SGMS1: variants seen among roughly 807,000 people sequenced by gnomAD.
SGMS1 encodes sphingomyelin synthase 1.
SGMS1 carries 13 observed loss-of-function variants against 46.2 expected under a neutral mutation model. The ratio of observed to expected loss-of-function variants is 0.28; its 90% CI spans 0.18 to 0.45. The LOEUF is 0.45. SGMS1 is among the 20% of genes least tolerant of loss of function. The pLI is 1.00. For synonymous variants in SGMS1, 203 were observed against 187.8 expected (o/e 1.08, Z -0.66); for missense variants, 324 against 519.9 (o/e 0.62, Z 3.66).
At chr10:50,562,781 T>C (rs1039651165) in intron 2 of SGMS1, among the ~76,000 whole-genome samples, 2 of 152,284 alleles carry the variant, frequency 1.3e-5, no homozygotes, top group East Asian at 1.9e-4. Flanking sequence ...CCTGACCTCG[T>C]GATCCGCCCG....
chr10:50,411,566 C>G (rs541809733), intron 6 of SGMS1, among the ~76,000 whole-genome samples: 10 of 152,280 alleles, frequency 6.6e-5, no homozygotes, highest in African/African-American at 2.4e-4. Flanking sequence ...CTAGTCTCAT[C>G]CATATCTGAG....
At chr10:50,506,467 T>C (rs2133765506) in intron 3 of SGMS1, among the ~76,000 whole-genome samples, 1 of 151,860 alleles carries the variant, frequency 6.6e-6, no homozygotes, top group South Asian at 2.1e-4. Flanking sequence ...ATTTCCTTCC[T>C]AATAAAAAAA....
At chr10:50,429,464 T>C (rs1007408842) in intron 6 of SGMS1, among the ~76,000 whole-genome samples, 3 of 152,168 alleles carry the variant, frequency 2.0e-5, no homozygotes, top group Non-Finnish European at 2.9e-5. Context: ...AACAACAATA[T>C]TGCCTGAGGA....
intron 2 of SGMS1, among the ~76,000 whole-genome samples, chr10:50,586,820 C>T (rs1838488836): frequency 6.6e-6 from 1 of 152,216 alleles, no homozygotes; most frequent in Admixed American, 6.5e-5. Context: ...CCACTATAAC[C>T]ATGATGAGGA....
chr10:50,517,884 G>GA (rs1285298895), intron 3 of SGMS1, among the ~76,000 whole-genome samples: 2 of 151,552 alleles, frequency 1.3e-5, no homozygotes, highest in South Asian at 2.1e-4. Context: ...ACAACACTGG[G>GA]AAAAAAAATA....
intron 6 of SGMS1, among the ~76,000 whole-genome samples, chr10:50,360,423 G>A (rs1848227529): frequency 6.6e-6 from 1 of 152,068 alleles, no homozygotes; most frequent in East Asian, 1.9e-4. Flanking sequence ...AACTCTGCAG[G>A]TTGTCATTAC....
intron 6 of SGMS1, among the ~76,000 whole-genome samples, chr10:50,427,971 ATGAG>A (rs67444711): frequency 0.13 from 19,870 of 151,882 alleles, 1,408 homozygotes; most frequent in Middle Eastern, 0.21. Context: ...CTGCGTGTGA[ATGAG>A]AGAGAGAGAG....
Position 50,344,078 on chromosome 10 carries a change from C to T in SGMS1, c.37G>A (p.Ala13Thr). Residue 13 changes from alanine (A) to threonine (T), a missense_variant, in exon 7 of 11, where the codon GCA becomes ACA. Ala to Thr is a moderately conservative substitution (Grantham distance 58). This residue lies in a region of SGMS1 where 150 missense variants were observed against 169.8 expected (regional missense o/e 0.88). Transcript: ENST00000361781. ...EVVYWSPKKVADWLLENAMPE... is the reference protein window; with the variant it reads ...EVVYWSPKKVTDWLLENAMPE... ...ATAGCATTCTCCAGCAGCCAGTCTG[C>T]CACCTTCTTGGGTGACCAATAAACC... is the stretch of plus-strand genomic sequence containing the variant. 1 of 1,613,680 alleles carries T rather than the reference C, an allele frequency of 6.2e-7. No individual in the cohort carries two copies.
At chr10:50,425,510 C>T (rs906734348) in intron 6 of SGMS1, among the ~76,000 whole-genome samples, 1 of 152,156 alleles carries the variant, frequency 6.6e-6, no homozygotes, top group Non-Finnish European at 1.5e-5. Flanking sequence ...AAACCAAATA[C>T]CACATATTCT....
At chr10:50,345,874 AT>A (rs1847905491) in intron 6 of SGMS1, among the ~76,000 whole-genome samples, 1 of 152,228 alleles carries the variant, frequency 6.6e-6, no homozygotes, top group South Asian at 2.1e-4. Flanking sequence ...GGAAAGAAAT[AT>A]ATCACATATT....
chr10:50,584,295 C>G (rs1838461371), intron 2 of SGMS1, among the ~76,000 whole-genome samples: 1 of 151,970 alleles, frequency 6.6e-6, no homozygotes, highest in South Asian at 2.1e-4. Flanking sequence ...GTCAGGAGTT[C>G]AAGACCAGCC....
intron 3 of SGMS1, among the ~76,000 whole-genome samples, chr10:50,484,499 C>G (rs1461218694): frequency 2.0e-5 from 3 of 152,182 alleles, no homozygotes; most frequent in Non-Finnish European, 4.4e-5. Flanking sequence ...TCTTCTGAAA[C>G]TATTCCAAAC....
rs66763352 is a variant in SGMS1, at chr10:50,498,241, A to C, written c.-498+21590T>G. Among the ~76,000 whole-genome samples, 1,480 of 152,380 alleles carry C rather than the reference A, an allele frequency of 9.7e-3. 14 individuals carry two copies. The highest frequency in any genetic ancestry group is 0.031 in the Middle Eastern group (9 of 294). On this transcript the variant is annotated intron_variant, in intron 3 of 10. Coordinates refer to ENST00000361781, the MANE Select transcript of SGMS1 (RefSeq NM_147156.4). ...GATGTGATCGGATAAAATCTCTTTT[A>C]TCATTCAGAGGGAAGAGGAATTCAC...
chr10:50,511,048 T>C (rs1837749348), intron 3 of SGMS1, among the ~76,000 whole-genome samples: 1 of 152,132 alleles, frequency 6.6e-6, no homozygotes, highest in Non-Finnish European at 1.5e-5. Context: ...AAAAGCCAAT[T>C]GTCTATGCTC....
intron 2 of SGMS1, among the ~76,000 whole-genome samples, chr10:50,568,902 C>A (rs991092115): frequency 6.6e-6 from 1 of 151,892 alleles, no homozygotes; most frequent in Admixed American, 6.6e-5. Context: ...CCAACCCAAA[C>A]GCCTGTCAAT....
In SGMS1 at chr10:50,360,819, C is replaced by T. The variant is rs116587818; in HGVS notation, c.-231-16474G>A. Among the ~76,000 whole-genome samples the T allele has an allele frequency of 6.2e-3, 951 of 152,270 alleles. 7 individuals are homozygous for T. Among genetic ancestry groups the T allele is most frequent in the African/African-American group, 0.022 (901 of 41,554 alleles). ...CTTCCTATCTTTTTCAAAATGAGAG[C>T]TAAAATTCTTCTAATTTGCTCCTCA... On this transcript the variant is annotated intron_variant, in intron 6 of 10. Coordinates refer to ENST00000361781, the MANE Select transcript of SGMS1 (RefSeq NM_147156.4).
rs539736658 is a variant in SGMS1 at position 50,601,308 on chromosome 10, T to C, written c.-683-11061A>G. Among the ~76,000 whole-genome samples, 7 of 152,346 alleles carry C rather than the reference T, an allele frequency of 4.6e-5. No individual in the cohort carries two copies. In the South Asian group the frequency reaches 1.0e-3, roughly 23 times the overall value. ...CACAAGATACAGGAAGAAGTATGGATTTGGCAGGCAAGACAATTTCACATT... is the reference window on the plus strand; with the variant it reads ...CACAAGATACAGGAAGAAGTATGGACTTGGCAGGCAAGACAATTTCACATT... On this transcript the variant is annotated intron_variant, in intron 1 of 10. Transcript: ENST00000361781.
intron 1 of SGMS1, among the ~76,000 whole-genome samples, chr10:50,598,006 C>T (rs1373112508): frequency 1.3e-5 from 2 of 149,800 alleles, no homozygotes; most frequent in Non-Finnish European, 3.0e-5. Flanking sequence ...GAGTGAAACT[C>T]CGTCTCAAAA....
chr10:50,406,328 T>C (rs1002090685), intron 6 of SGMS1, among the ~76,000 whole-genome samples: 10 of 152,188 alleles, frequency 6.6e-5, no homozygotes, highest in Admixed American at 6.5e-4. Flanking sequence ...TCCTGTCGGA[T>C]GTGCAGCTTC....
Sources: gnomAD v4.1 joint callset for allele counts (sites outside exome capture counted in the v4.1 genomes callset) on GRCh38, gnomAD v4.1.1 for gene constraint, gnomAD v4.1.1 regional missense constraint, MANE v1.5 for transcripts, NCBI Gene and HGNC (gene_info 2026-07-23, HGNC 2026-07-21) for gene names.